The following SORCS2 variants were observed in gnomAD, a reference collection of about 807,000 sequenced individuals.
The protein encoded by SORCS2 is VPS10 domain-containing receptor SorCS2.
In SORCS2, 100 loss-of-function variants were observed where a neutral mutation model predicts 141.6. The ratio of observed to expected loss-of-function variants is 0.71; its 90% CI spans 0.60 to 0.83. The LOEUF (loss-of-function observed/expected upper bound fraction) is 0.83, where lower values mean the gene tolerates loss of function less well. Ranked by LOEUF, SORCS2 falls within the 40% of genes least tolerant of loss-of-function variation. The pLI is 0.00. For synonymous variants in SORCS2, 789 were observed against 676.9 expected, an observed-to-expected ratio of 1.17 and a Z score of -2.57; for missense variants, 1,646 against 1,560.2, an observed-to-expected ratio of 1.05 and a Z score of -0.93.
chr4:7,656,168 C>T (rs1453229931), intron 5 of SORCS2, among the ~76,000 whole-genome samples: 1 of 152,218 alleles, frequency 6.6e-6, no homozygotes, highest in African/African-American at 2.4e-5. Flanking sequence ...CGTGTTCTGT[C>T]TGAAGCTCAG....
rs564917763 is a variant in SORCS2 at position 7,693,804 on chromosome 4, C to T, written c.1592-3394C>T. ...CCTAGCACAGTCCCTTTTTTGGCGA[C>T]TCGGCCAGTCAAGGGCCCATCAATG... On this transcript the variant is annotated intron_variant, in intron 11 of 26. Transcript: ENST00000507866. Among the ~76,000 whole-genome samples, 11 of 152,348 alleles carry T rather than the reference C, an allele frequency of 7.2e-5. No individual in the cohort carries two copies. In the South Asian group the frequency reaches 2.3e-3, roughly 32 times the overall value.
At chr4:7,347,583 G>C (rs1410253871) in intron 1 of SORCS2, among the ~76,000 whole-genome samples, 1 of 152,182 alleles carries the variant, frequency 6.6e-6, no homozygotes, top group Non-Finnish European at 1.5e-5. Flanking sequence ...ACGTGGTAGA[G>C]CTGAAAAACT....
At chr4:7,248,667 T>C (rs1307275905) in intron 1 of SORCS2, among the ~76,000 whole-genome samples, 1 of 152,276 alleles carries the variant, frequency 6.6e-6, no homozygotes, top group African/African-American at 2.4e-5. Context: ...GTCCTTGTTC[T>C]TTATTCGATT....
chr4:7,222,933 G>T (rs114035821), intron 1 of SORCS2, among the ~76,000 whole-genome samples: 1 of 152,104 alleles, frequency 6.6e-6, no homozygotes, highest in African/African-American at 2.4e-5. Context: ...TCAAGAACAC[G>T]CAAAGACTTC....
chr4:7,436,624 A>G lies in SORCS2; in HGVS notation c.548+40269A>G, dbSNP rs935112932. Among the ~76,000 whole-genome samples the G allele has an allele frequency of 2.0e-5, 3 of 152,304 alleles. No individual in the cohort carries two copies. In the East Asian group the frequency reaches 5.8e-4, roughly 29 times the overall value. On this transcript the variant is annotated intron_variant, in intron 2 of 26. Transcript: ENST00000507866. ...GGCATTGTCTTTGTATGATTGACCCACGCTGCTGTGTTTAGCTGTAGAGCC... is the reference window on the plus strand; with the variant it reads ...GGCATTGTCTTTGTATGATTGACCCGCGCTGCTGTGTTTAGCTGTAGAGCC...
chr4:7,403,308 C>T (rs1443115302), intron 2 of SORCS2, among the ~76,000 whole-genome samples: 1 of 152,132 alleles, frequency 6.6e-6, no homozygotes, highest in Non-Finnish European at 1.5e-5. Context: ...CTCGAGCTGA[C>T]AGGAACAGGA....
rs3733598 is a variant in SORCS2 at position 7,676,308 on chromosome 4, C to G, written c.1341+79C>G. Reference sequence around the variant, plus strand: ...CCTCTCACCCCACCTCTTCCTCCCCCCTCCCCTCCCGCCTGTCTATATAGC... The same window carrying G: ...CCTCTCACCCCACCTCTTCCTCCCCGCTCCCCTCCCGCCTGTCTATATAGC... On this transcript the variant is annotated intron_variant, in intron 9 of 26. Transcript: ENST00000507866. 1,920 of 1,426,452 alleles carry G rather than the reference C, an allele frequency of 1.3e-3. 25 individuals carry two copies. In the East Asian group the frequency reaches 0.027, roughly 20 times the overall value. The allele number at this position is 1,426,452 out of a possible 1,614,324, so 88.4% of individuals were successfully genotyped here. A position where few individuals can be genotyped will look rare whatever the true frequency, so the allele number is the denominator to read the frequency against.
chr4:7,349,887 T>C (rs1720841015), intron 1 of SORCS2, among the ~76,000 whole-genome samples: 1 of 152,162 alleles, frequency 6.6e-6, no homozygotes, highest in African/African-American at 2.4e-5. Context: ...ATGAAACAAC[T>C]CTCCCAAGTG....
Position 7,265,684 on chromosome 4 carries a change from G to A in SORCS2, c.480+72558G>A, listed in dbSNP as rs145833864. 4.8e-4 allele frequency among the ~76,000 whole-genome samples: 73 copies of A among 152,224 alleles called. No individual in the cohort carries two copies. The East Asian group carries it at 0.012, about 25-fold the overall frequency. ...TGTGTCTCCTATGAAGACATTCATCGCTGGCTTTAGGGCCGCCCAGTGTAA... is the reference window on the plus strand; with the variant it reads ...TGTGTCTCCTATGAAGACATTCATCACTGGCTTTAGGGCCGCCCAGTGTAA... On this transcript the variant is annotated intron_variant, in intron 1 of 26. Coordinates refer to ENST00000507866, the MANE Select transcript of SORCS2 (RefSeq NM_020777.3).
intron 2 of SORCS2, among the ~76,000 whole-genome samples, chr4:7,399,191 G>A (rs1336257018): frequency 6.6e-6 from 1 of 152,164 alleles, no homozygotes; most frequent in Non-Finnish European, 1.5e-5. Flanking sequence ...GGAAGATGGT[G>A]CTAAGAGTTG....
At chr4:7,639,508 ATGTG>A (rs1442264624) in intron 4 of SORCS2, among the ~76,000 whole-genome samples, 7 of 116,596 alleles carry the variant, frequency 6.0e-5, no homozygotes, top group African/African-American at 8.8e-5. Flanking sequence ...GTGGGTGTGA[ATGTG>A]TGGGTTTGTG....
At chr4:7,405,583 T>G (rs1345575546) in intron 2 of SORCS2, among the ~76,000 whole-genome samples, 1 of 152,118 alleles carries the variant, frequency 6.6e-6, no homozygotes, top group South Asian at 2.1e-4. Flanking sequence ...AATTTATTTG[T>G]AGGTATTTTT....
At chr4:7,670,922 A>C (rs1307946087) in intron 8 of SORCS2, among the ~76,000 whole-genome samples, 1 of 152,230 alleles carries the variant, frequency 6.6e-6, no homozygotes. Flanking sequence ...ACAAGCAGTC[A>C]TTATTGCAAC....
intron 3 of SORCS2, among the ~76,000 whole-genome samples, chr4:7,597,896 A>C (rs1013535978): frequency 6.7e-6 from 1 of 150,144 alleles, no homozygotes; most frequent in African/African-American, 2.5e-5. Flanking sequence ...GCGGATTCCC[A>C]GGAAGGGCCA....
intron 1 of SORCS2, among the ~76,000 whole-genome samples, chr4:7,215,164 C>T (rs1310449730): frequency 2.6e-5 from 4 of 152,050 alleles, no homozygotes; most frequent in Non-Finnish European, 4.4e-5. Flanking sequence ...CTGTGTGCGG[C>T]GCTTGCGGGC....
chr4:7,454,865 C>T (rs566475889), intron 2 of SORCS2, among the ~76,000 whole-genome samples: 18 of 104,082 alleles, frequency 1.7e-4, no homozygotes, highest in African/African-American at 7.0e-4. Flanking sequence ...GTGTTGGGGT[C>T]AGGTGCTGTG....
intron 2 of SORCS2, among the ~76,000 whole-genome samples, chr4:7,520,822 T>A (rs1733283136): frequency 6.6e-6 from 1 of 152,166 alleles, no homozygotes; most frequent in African/African-American, 2.4e-5. Context: ...ACAGGTGAAA[T>A]GACACAGCTC....
intron 16 of SORCS2, 76 bp downstream of exon 16, chr4:7,714,449 AGAGT>A: frequency 6.8e-7 from 1 of 1,477,812 alleles, no homozygotes. Flanking sequence ...CACTTCCCTC[AGAGT>A]GAGGGAGGAA....
chr4:7,345,819 C>T (rs1720621448), intron 1 of SORCS2, among the ~76,000 whole-genome samples: 1 of 152,210 alleles, frequency 6.6e-6, no homozygotes, highest in African/African-American at 2.4e-5. Flanking sequence ...ACTCCATGCT[C>T]CAGTTTCTGG....
Sources: gnomAD v4.1 joint callset for allele counts (sites outside exome capture counted in the v4.1 genomes callset) on GRCh38, gnomAD v4.1.1 for gene constraint, MANE v1.5 for transcripts, NCBI Gene and HGNC (gene_info 2026-07-23, HGNC 2026-07-21) for gene names.